The following PRKCE variants were observed in gnomAD, a reference collection of about 807,000 sequenced individuals.
PRKCE encodes protein kinase C epsilon type.
A neutral mutation model predicts 85.4 loss-of-function variants in PRKCE; 16 were observed. That is an observed-to-expected ratio of 0.19 (90% confidence interval 0.13 to 0.28). The LOEUF (loss-of-function observed/expected upper bound fraction) is 0.28, where lower values mean the gene tolerates loss of function less well. Among genes scored for constraint, PRKCE ranks in the 10% least tolerant of loss-of-function variants. The pLI is 1.00. For synonymous variants in PRKCE, 388 were observed against 371.5 expected (o/e 1.04, Z -0.51); for missense variants, 573 against 975.2 (o/e 0.59, Z 5.49).
At chr2:45,712,261 C>A (rs1233897611) in intron 1 of PRKCE, among the ~76,000 whole-genome samples, 1 of 149,112 alleles carries the variant, frequency 6.7e-6, no homozygotes, top group Non-Finnish European at 1.5e-5. Context: ...GATTCTCCTG[C>A]CTCATCCTCC....
intron 1 of PRKCE, among the ~76,000 whole-genome samples, chr2:45,729,326 G>A (rs1681360100): frequency 6.6e-6 from 1 of 152,170 alleles, no homozygotes; most frequent in Non-Finnish European, 1.5e-5. Flanking sequence ...TGCCATGAAA[G>A]CCATCCTCAG....
In PRKCE at chr2:45,786,045, G is replaced by T. The variant is rs996482125; in HGVS notation, c.349-56955G>T. On this transcript the variant is annotated intron_variant, in intron 1 of 14. Coordinates refer to ENST00000306156, the MANE Select transcript of PRKCE (RefSeq NM_005400.3). This position sits in a 1 kb window ranked among gnomAD's most constrained non-coding sequence, Gnocchi z 5.3. ...GAGGGGTCTAGAGTCTCACAGCCCT[G>T]CTGGGTCATCGTGGGGGTGAATAGA... Among the ~76,000 whole-genome samples the T allele has an allele frequency of 2.0e-5, 3 of 152,180 alleles. No individual in the cohort carries two copies. Among genetic ancestry groups the T allele is most frequent in the African/African-American group, 7.2e-5 (3 of 41,442 alleles).
intron 1 of PRKCE, among the ~76,000 whole-genome samples, chr2:45,810,158 A>T (rs1000940712): frequency 2.0e-5 from 3 of 151,942 alleles, no homozygotes; most frequent in Non-Finnish European, 2.9e-5. Flanking sequence ...CTCCTGCCTC[A>T]GCCTCCTGAG....
At chr2:45,801,024 G>A (rs907472405) in intron 1 of PRKCE, among the ~76,000 whole-genome samples, 9 of 152,116 alleles carry the variant, frequency 5.9e-5, no homozygotes, top group African/African-American at 1.9e-4. Flanking sequence ...AAGAATTAGT[G>A]GGGGGAAGGG....
At chr2:45,817,180 C>G (rs1460444127) in intron 1 of PRKCE, among the ~76,000 whole-genome samples, 1 of 151,868 alleles carries the variant, frequency 6.6e-6, no homozygotes, top group Non-Finnish European at 1.5e-5. Flanking sequence ...GCCTGCAACC[C>G]TAGGCCTTGT....
At chr2:46,100,560 A>C (rs1671105935) in intron 11 of PRKCE, among the ~76,000 whole-genome samples, 1 of 152,200 alleles carries the variant, frequency 6.6e-6, no homozygotes, top group Admixed American at 6.5e-5. Flanking sequence ...ACCCTCTCGG[A>C]AGTGGGGCAT....
intron 2 of PRKCE, among the ~76,000 whole-genome samples, chr2:45,868,691 G>C (rs905543251): frequency 1.3e-5 from 2 of 149,870 alleles, no homozygotes; most frequent in African/African-American, 2.5e-5. Context: ...CCAGCACTTT[G>C]GGAGGCAGGC....
intron 1 of PRKCE, among the ~76,000 whole-genome samples, chr2:45,720,343 G>A (rs946121822): frequency 6.6e-5 from 10 of 152,128 alleles, no homozygotes; most frequent in South Asian, 4.1e-4. Flanking sequence ...TGGCGGGGGC[G>A]GTAGGGGTGC....
chr2:46,054,971 T>C (rs2105084499), intron 10 of PRKCE, among the ~76,000 whole-genome samples: 1 of 152,272 alleles, frequency 6.6e-6, no homozygotes, highest in South Asian at 2.1e-4. Context: ...CACTTCCCAC[T>C]CCATCCCCTT....
chr2:46,101,660 G>T (rs936179280), intron 11 of PRKCE, among the ~76,000 whole-genome samples: 1 of 152,194 alleles, frequency 6.6e-6, no homozygotes, highest in Non-Finnish European at 1.5e-5. Flanking sequence ...ACTGAAAGAT[G>T]ATCCTAGTAT....
At chr2:45,754,861 C>T (rs1319679352) in intron 1 of PRKCE, among the ~76,000 whole-genome samples, 5 of 152,234 alleles carry the variant, frequency 3.3e-5, no homozygotes, top group Non-Finnish European at 1.5e-5. Flanking sequence ...GAGAGGCTGC[C>T]AGCATCAAGC....
chr2:46,075,080 G>A (rs1021429161), intron 10 of PRKCE, among the ~76,000 whole-genome samples: 1 of 151,980 alleles, frequency 6.6e-6, no homozygotes, highest in Non-Finnish European at 1.5e-5. Flanking sequence ...TCGCCCTGTC[G>A]CCCAGGCTGG....
At chr2:45,883,231 T>C (rs1695011995) in intron 2 of PRKCE, among the ~76,000 whole-genome samples, 1 of 152,232 alleles carries the variant, frequency 6.6e-6, no homozygotes, top group South Asian at 2.1e-4. Context: ...TAGAGCCAAG[T>C]ATGGATTTGG....
intron 6 of PRKCE, among the ~76,000 whole-genome samples, chr2:45,994,970 G>C (rs1484671288): frequency 6.6e-6 from 1 of 152,072 alleles, no homozygotes; most frequent in Non-Finnish European, 1.5e-5. Flanking sequence ...TTACCTCCTT[G>C]TATTTTGGCC....
chr2:46,058,700 T>C (rs554134950), intron 10 of PRKCE, among the ~76,000 whole-genome samples: 1 of 152,078 alleles, frequency 6.6e-6, no homozygotes, highest in African/African-American at 2.4e-5. Flanking sequence ...AATTGATTGA[T>C]TGATTGACTG....
At chr2:45,838,318 C>G (rs1216969639) in intron 1 of PRKCE, among the ~76,000 whole-genome samples, 3 of 152,228 alleles carry the variant, frequency 2.0e-5, no homozygotes, top group Non-Finnish European at 4.4e-5. Context: ...CTCTGTTGAC[C>G]TCTCCTCTGT....
intron 2 of PRKCE, among the ~76,000 whole-genome samples, chr2:45,928,992 C>T (rs1389803296): frequency 2.6e-5 from 4 of 152,148 alleles, no homozygotes; most frequent in Admixed American, 2.0e-4. Flanking sequence ...TTAGCTGTGC[C>T]ACAGTTCAAT....
At chr2:45,718,634 G>A (rs139278188) in intron 1 of PRKCE, among the ~76,000 whole-genome samples, 44 of 152,078 alleles carry the variant, frequency 2.9e-4, no homozygotes, top group Middle Eastern at 3.4e-3. Context: ...GAGCCACTGC[G>A]CCCAGCCAAG....
chr2:45,676,439 A>G (rs1676452369), intron 1 of PRKCE, among the ~76,000 whole-genome samples: 1 of 152,242 alleles, frequency 6.6e-6, no homozygotes. Context: ...TTCCTCTCTT[A>G]ATACATGCAG....
Sources: allele counts gnomAD v4.1 joint callset (sites outside exome capture counted in the v4.1 genomes callset), GRCh38; gene constraint gnomAD v4.1.1; non-coding constraint Gnocchi (gnomAD v3.1); transcripts MANE v1.5; gene names NCBI Gene and HGNC (gene_info 2026-07-23, HGNC 2026-07-21).